Variants in KCNC2 observed in about 807,000 individuals in gnomAD.
The protein encoded by KCNC2 is potassium voltage-gated channel subfamily C member 2.
A neutral mutation model predicts 44.5 loss-of-function variants in KCNC2; 21 were observed. The ratio of observed to expected loss-of-function variants is 0.47; its 90% CI spans 0.33 to 0.68. The LOEUF (loss-of-function observed/expected upper bound fraction) is 0.68, where lower values mean the gene tolerates loss of function less well. Ranked by LOEUF, KCNC2 falls within the 30% of genes least tolerant of loss-of-function variation. KCNC2 has a pLI of 0.01. For missense variants in KCNC2, 589 were observed against 826.2 expected (o/e 0.71, Z 3.52); for synonymous variants, 391 against 339.1 (o/e 1.15, Z -1.68).
chr12:75,137,089 T>C (rs1889285808), intron 2 of KCNC2, among the ~76,000 whole-genome samples: 1 of 152,130 alleles, frequency 6.6e-6, no homozygotes, highest in Non-Finnish European at 1.5e-5. Flanking sequence ...CCAGTGACCA[T>C]CTCTTGCAAA....
intron 2 of KCNC2, among the ~76,000 whole-genome samples, chr12:75,192,807 A>G (rs915508813): frequency 3.3e-5 from 5 of 152,230 alleles, no homozygotes. Flanking sequence ...AATTATTCAG[A>G]TGGTGATAAA....
intron 2 of KCNC2, among the ~76,000 whole-genome samples, chr12:75,058,889 C>T (rs1458663414): frequency 1.3e-5 from 2 of 152,040 alleles, no homozygotes; most frequent in Non-Finnish European, 2.9e-5. Flanking sequence ...TAAGTTAGAG[C>T]TGTAGTACTT....
intron 2 of KCNC2, among the ~76,000 whole-genome samples, chr12:75,123,145 T>C (rs1407749486): frequency 2.6e-5 from 4 of 152,146 alleles, no homozygotes; most frequent in Non-Finnish European, 5.9e-5. Flanking sequence ...TTTCATTACA[T>C]AAATTTAAGA....
chr12:75,150,045 C>A (rs1370085398), intron 2 of KCNC2, among the ~76,000 whole-genome samples: 1 of 151,836 alleles, frequency 6.6e-6, no homozygotes, highest in Non-Finnish European at 1.5e-5. Flanking sequence ...CTCCTGAAGT[C>A]ATTTGATTAT....
At chr12:75,109,790 G>C (rs1010582005) in intron 2 of KCNC2, among the ~76,000 whole-genome samples, 3 of 151,932 alleles carry the variant, frequency 2.0e-5, no homozygotes, top group African/African-American at 4.8e-5. Context: ...AGAACTGAAG[G>C]CTTTTATTTT....
At chr12:75,119,215 G>A (rs563228685) in intron 2 of KCNC2, among the ~76,000 whole-genome samples, 51 of 152,238 alleles carry the variant, frequency 3.4e-4, no homozygotes, top group African/African-American at 1.2e-3. Flanking sequence ...TGACAGACTG[G>A]GATCTGAGGC....
chr12:75,072,217 C>T (rs976629152), intron 2 of KCNC2, among the ~76,000 whole-genome samples: 24 of 152,112 alleles, frequency 1.6e-4, no homozygotes, highest in Admixed American at 8.5e-4. Flanking sequence ...TGTTACTAAA[C>T]GGCTAACCAT....
chr12:75,140,859 C>G (rs1206011944), intron 2 of KCNC2, among the ~76,000 whole-genome samples: 3 of 151,660 alleles, frequency 2.0e-5, no homozygotes, highest in Non-Finnish European at 4.4e-5. Flanking sequence ...CTCCAGAACA[C>G]CATTTAGTAT....
chr12:75,076,095 C>T (rs879942440), intron 2 of KCNC2, among the ~76,000 whole-genome samples: 178 of 142,236 alleles, frequency 1.3e-3, no homozygotes, highest in Non-Finnish European at 2.3e-3. Flanking sequence ...ACAAACAAAC[C>T]GAAAAGAATA....
At chr12:75,113,329 A>T (rs1452448611) in intron 2 of KCNC2, among the ~76,000 whole-genome samples, 1 of 152,206 alleles carries the variant, frequency 6.6e-6, no homozygotes, top group South Asian at 2.1e-4. Flanking sequence ...AGACCTCAAT[A>T]CTATCTCTTG....
chr12:75,074,943 GA>G (rs1883780063), intron 2 of KCNC2, among the ~76,000 whole-genome samples: 1 of 152,142 alleles, frequency 6.6e-6, no homozygotes, highest in African/African-American at 2.4e-5. Context: ...TCAAACTTCA[GA>G]TTATAGAAGT....
chr12:75,153,525 A>G (rs1302582693), intron 2 of KCNC2, among the ~76,000 whole-genome samples: 1 of 151,844 alleles, frequency 6.6e-6, no homozygotes, highest in Non-Finnish European at 1.5e-5. Context: ...TACAAGGTAT[A>G]TTACTTAGTG....
intron 2 of KCNC2, among the ~76,000 whole-genome samples, chr12:75,123,418 A>G (rs1888179976): frequency 6.6e-6 from 1 of 152,050 alleles, no homozygotes. Flanking sequence ...AGCAAAACAA[A>G]CAGTTTGGTA....
At chr12:75,127,424 A>G (rs12580970) in intron 2 of KCNC2, among the ~76,000 whole-genome samples, 19,196 of 152,120 alleles carry the variant, frequency 0.13, 1,352 homozygotes, top group Middle Eastern at 0.24. Context: ...CATTCTAGTG[A>G]TTGGAATTAA....
At chr12:75,094,357 T>G (rs1885743981) in intron 2 of KCNC2, among the ~76,000 whole-genome samples, 1 of 151,658 alleles carries the variant, frequency 6.6e-6, no homozygotes, top group Admixed American at 6.6e-5. Flanking sequence ...GAATGAGTTA[T>G]TATTCTCAAA....
At chr12:75,077,057 G>C (rs1014696404) in intron 2 of KCNC2, among the ~76,000 whole-genome samples, 12 of 152,092 alleles carry the variant, frequency 7.9e-5, no homozygotes, top group African/African-American at 2.7e-4. Context: ...CTAATCAATG[G>C]TTACTACAGT....
intron 2 of KCNC2, among the ~76,000 whole-genome samples, chr12:75,201,951 C>T (rs1172557126): frequency 6.6e-6 from 1 of 151,632 alleles, no homozygotes; most frequent in Non-Finnish European, 1.5e-5. Context: ...CTAAAGGTTC[C>T]CACAATAAAA....
chr12:75,086,668 AAAAAAAAAAAAAAAT>A (rs1230292103), intron 2 of KCNC2, among the ~76,000 whole-genome samples: 2,800 of 76,086 alleles, frequency 0.037, 45 homozygotes, highest in Middle Eastern at 0.1. Context: ...GGCAAAAAAA[AAAAAAAAAAAAAAAT>A]ATATATATAT....
At chr12:75,075,274 C>G (rs1883818478) in intron 2 of KCNC2, among the ~76,000 whole-genome samples, 1 of 151,752 alleles carries the variant, frequency 6.6e-6, no homozygotes, top group South Asian at 2.1e-4. Context: ...TAACTCAGAT[C>G]CCACCAGGCC....
Sources: gnomAD v4.1 joint callset for allele counts (sites outside exome capture counted in the v4.1 genomes callset) on GRCh38, gnomAD v4.1.1 for gene constraint, MANE v1.5 for transcripts, NCBI Gene and HGNC (gene_info 2026-07-23, HGNC 2026-07-21) for gene names.